Variants in CNTN5 observed in about 807,000 individuals in gnomAD.
The protein encoded by CNTN5 is contactin 5.
A neutral mutation model predicts 129.1 loss-of-function variants in CNTN5; 77 were observed. That is an observed-to-expected ratio of 0.60 (90% CI 0.50 to 0.72). CNTN5 has a LOEUF of 0.72. Among genes scored for constraint, CNTN5 ranks in the 30% least tolerant of loss-of-function variants. The pLI is 0.00. For missense variants in CNTN5, 1,478 were observed against 1,328.8 expected (o/e 1.11, Z -1.75); for synonymous variants, 509 against 465.6 (o/e 1.09, Z -1.20).
At chr11:99,439,771 T>A in intron 2 of CNTN5, among the ~76,000 whole-genome samples, 1 of 150,380 alleles carries the variant, frequency 6.6e-6, no homozygotes, top group African/African-American at 2.4e-5. Context: ...TAAATCTAGA[T>A]ATATATTTAT....
Position 99,848,997 on chromosome 11 carries a change from A to G in CNTN5, c.577+3735A>G, listed in dbSNP as rs142021681. Among the ~76,000 whole-genome samples, 193 of 152,236 alleles carry G rather than the reference A, an allele frequency of 1.3e-3. 2 individuals carry two copies. The highest frequency in any genetic ancestry group is 1.9e-3 in the South Asian group (9 of 4,828). On this transcript the variant is annotated intron_variant, in intron 6 of 24. Coordinates refer to ENST00000524871, the MANE Select transcript of CNTN5 (RefSeq NM_014361.4). ...TTTACTTTTTGCCTTTTAAAATTTG[A>G]CAACTTTGCTTGAAATTGTGTGATT...
intron 8 of CNTN5, among the ~76,000 whole-genome samples, chr11:99,996,038 A>G (rs1486087690): frequency 6.6e-6 from 1 of 152,120 alleles, no homozygotes; most frequent in Admixed American, 6.6e-5. Context: ...CTCCAAATTG[A>G]AGCTCATCAG....
chr11:99,185,502 CT>C (rs1447299670), intron 1 of CNTN5, among the ~76,000 whole-genome samples: 4 of 151,864 alleles, frequency 2.6e-5, no homozygotes, highest in African/African-American at 4.8e-5. Context: ...ATGGCCTATT[CT>C]TTTTTAGAAG....
At chr11:99,238,206 C>A (rs1328172669) in intron 1 of CNTN5, among the ~76,000 whole-genome samples, 1 of 152,058 alleles carries the variant, frequency 6.6e-6, no homozygotes, top group South Asian at 2.1e-4. Flanking sequence ...TAAAAAGGAA[C>A]AATTTGTTAA....
At chr11:99,128,049 A>G (rs1411689475) in intron 1 of CNTN5, among the ~76,000 whole-genome samples, 3 of 152,228 alleles carry the variant, frequency 2.0e-5, no homozygotes, top group Non-Finnish European at 4.4e-5. Context: ...ACAGATGATC[A>G]ACCTCATTCC....
intron 8 of CNTN5, among the ~76,000 whole-genome samples, chr11:99,980,563 C>T (rs1008839934): frequency 2.0e-5 from 3 of 152,142 alleles, no homozygotes; most frequent in Admixed American, 1.3e-4. Flanking sequence ...AGGAGGGTCC[C>T]TTCCACTATA....
chr11:99,824,713 G>A (rs1344092228), intron 4 of CNTN5, among the ~76,000 whole-genome samples: 2 of 151,416 alleles, frequency 1.3e-5, no homozygotes, highest in Non-Finnish European at 3.0e-5. Flanking sequence ...TTCATATTTA[G>A]GTGTTTAAAC....
chr11:99,747,149 T>G (rs1442437642), intron 3 of CNTN5, among the ~76,000 whole-genome samples: 1 of 152,178 alleles, frequency 6.6e-6, no homozygotes, highest in Non-Finnish European at 1.5e-5. Context: ...TTAGTTAAAT[T>G]TATTCCTGTG....
intron 1 of CNTN5, among the ~76,000 whole-genome samples, chr11:99,257,287 A>G (rs955391370): frequency 6.6e-6 from 1 of 152,170 alleles, no homozygotes; most frequent in Admixed American, 6.6e-5. Flanking sequence ...GTCAAATTCC[A>G]TTTCACATGT....
chr11:99,040,802 A>G (rs1237059735), intron 1 of CNTN5, among the ~76,000 whole-genome samples: 1 of 152,148 alleles, frequency 6.6e-6, no homozygotes, highest in Admixed American at 6.5e-5. Flanking sequence ...ATAGAGTTGC[A>G]TATTTGTGTA....
At chr11:100,008,740 C>G (rs1445284804) in intron 9 of CNTN5, among the ~76,000 whole-genome samples, 2 of 152,094 alleles carry the variant, frequency 1.3e-5, no homozygotes, top group Admixed American at 6.6e-5. Flanking sequence ...CAAGTTTAAA[C>G]TAAGACTTAA....
At chr11:99,641,984 C>G (rs1011912441) in intron 3 of CNTN5, among the ~76,000 whole-genome samples, 3 of 152,106 alleles carry the variant, frequency 2.0e-5, no homozygotes, top group Admixed American at 1.3e-4. Flanking sequence ...AGCATGTGAC[C>G]TCCTCCCTTT....
intron 7 of CNTN5, among the ~76,000 whole-genome samples, chr11:99,920,909 C>CT (rs988259710): frequency 2.0e-5 from 3 of 151,708 alleles, no homozygotes; most frequent in Admixed American, 6.6e-5. Flanking sequence ...GGAGATGGGG[C>CT]TTTTTTTTAG....
At chr11:99,697,878 G>A (rs1166020247) in intron 3 of CNTN5, among the ~76,000 whole-genome samples, 1 of 151,560 alleles carries the variant, frequency 6.6e-6, no homozygotes, top group East Asian at 1.9e-4. Flanking sequence ...AAGCAATCAT[G>A]GGGACCCTGA....
intron 3 of CNTN5, among the ~76,000 whole-genome samples, chr11:99,613,427 C>T (rs1173631450): frequency 6.6e-6 from 1 of 152,162 alleles, no homozygotes; most frequent in East Asian, 1.9e-4. Context: ...CCCAGCCGTG[C>T]TGAACTGTGA....
chr11:100,109,198 C>T (rs1422546163), intron 13 of CNTN5, among the ~76,000 whole-genome samples: 1 of 152,118 alleles, frequency 6.6e-6, no homozygotes, highest in African/African-American at 2.4e-5. Flanking sequence ...GAGGTCGAGG[C>T]GGATGGATCA....
chr11:99,756,310 T>G (rs2135251668), intron 3 of CNTN5, among the ~76,000 whole-genome samples: 1 of 152,238 alleles, frequency 6.6e-6, no homozygotes, highest in African/African-American at 2.4e-5. Context: ...TCTCTACCTA[T>G]GTTTTTTTAT....
chr11:99,495,806 G>C (rs1258080716), intron 2 of CNTN5, among the ~76,000 whole-genome samples: 1 of 152,072 alleles, frequency 6.6e-6, no homozygotes, highest in Non-Finnish European at 1.5e-5. Flanking sequence ...TTAGAGAAGG[G>C]TTAATCTAAG....
intron 15 of CNTN5, among the ~76,000 whole-genome samples, chr11:100,208,160 T>C (rs1334265178): frequency 2.0e-5 from 3 of 152,188 alleles, no homozygotes; most frequent in Non-Finnish European, 4.4e-5. Flanking sequence ...CCTAAATATA[T>C]AGAGGTAAGA....
Sources: gnomAD v4.1 joint callset for allele counts (sites outside exome capture counted in the v4.1 genomes callset) on GRCh38, gnomAD v4.1.1 for gene constraint, MANE v1.5 for transcripts, NCBI Gene and HGNC (gene_info 2026-07-23, HGNC 2026-07-21) for gene names.